The following ATG5 variants were observed in gnomAD, a reference collection of about 807,000 sequenced individuals.
ATG5 encodes autophagy protein 5.
A neutral mutation model predicts 36.5 loss-of-function variants in ATG5; 14 were observed. That is an observed-to-expected ratio of 0.38 (90% confidence interval 0.25 to 0.60). The LOEUF is 0.60. Among genes scored for constraint, ATG5 ranks in the 20% least tolerant of loss-of-function variants. ATG5 has a pLI of 0.60. For missense variants in ATG5, 195 were observed against 326.7 expected, an observed-to-expected ratio of 0.60 and a Z score of 3.11; for synonymous variants, 95 against 101.5, an observed-to-expected ratio of 0.94 and a Z score of 0.38.
At chr6:106,214,359 T>C (rs1236522972) in intron 6 of ATG5, among the ~76,000 whole-genome samples, 3 of 152,118 alleles carry the variant, frequency 2.0e-5, no homozygotes, top group Non-Finnish European at 2.9e-5. Flanking sequence ...TCAGACTACT[T>C]TTATCCTTTA....
intron 1 of ATG5, among the ~76,000 whole-genome samples, chr6:106,322,504 A>G (rs1041059652): frequency 5.9e-5 from 9 of 152,024 alleles, no homozygotes; most frequent in Admixed American, 3.9e-4. Flanking sequence ...CTACATCACT[A>G]TTCTATACCT....
intron 5 of ATG5, among the ~76,000 whole-genome samples, chr6:106,269,206 C>T (rs1170568327): frequency 6.6e-6 from 1 of 152,154 alleles, no homozygotes; most frequent in Non-Finnish European, 1.5e-5. Context: ...TCGATTGGTG[C>T]ATTCACAAAC....
intron 5 of ATG5, among the ~76,000 whole-genome samples, chr6:106,258,686 T>C (rs1358031992): frequency 6.6e-6 from 1 of 152,168 alleles, no homozygotes; most frequent in Non-Finnish European, 1.5e-5. Flanking sequence ...AGATTTTTAG[T>C]TACATTTCTA....
At chr6:106,269,645 C>T (rs1009523976) in intron 5 of ATG5, among the ~76,000 whole-genome samples, 97 of 152,356 alleles carry the variant, frequency 6.4e-4, no homozygotes, top group Admixed American at 1.7e-3. Context: ...GCCGCTGGCC[C>T]GGGTGCTAAG....
At chr6:106,290,189 G>A (rs907933619) in intron 4 of ATG5, among the ~76,000 whole-genome samples, 1 of 144,326 alleles carries the variant, frequency 6.9e-6, no homozygotes, top group Non-Finnish European at 1.6e-5. Flanking sequence ...ACCATACTTG[G>A]CTTATTTTAT....
At chr6:106,273,849 T>G (rs1005679051) in intron 5 of ATG5, among the ~76,000 whole-genome samples, 7 of 152,234 alleles carry the variant, frequency 4.6e-5, no homozygotes, top group African/African-American at 1.7e-4. Context: ...AACTTTTATG[T>G]TACCTACCAA....
intron 7 of ATG5, among the ~76,000 whole-genome samples, chr6:106,191,267 T>C (rs1775957549): frequency 6.6e-6 from 1 of 152,134 alleles, no homozygotes; most frequent in Non-Finnish European, 1.5e-5. Context: ...AAACAAAATT[T>C]TATGTAGAAA....
In ATG5 at chr6:106,195,500, AT is replaced by A. The variant is rs146141455; in HGVS notation, c.691+6471del. On this transcript the variant is annotated intron_variant, in intron 7 of 7. Coordinates refer to ENST00000369076, the MANE Select transcript of ATG5 (RefSeq NM_004849.4). ...ACTCTACATAGATTTTTAAATGACA[AT>A]TTTTTTTAATACGTAATAAAAAGAA... 8.3e-3 allele frequency among the ~76,000 whole-genome samples: 1,267 copies of A among 152,092 alleles called. 17 individuals are homozygous for A. The highest frequency in any genetic ancestry group is 0.026 in the African/African-American group (1,081 of 41,474).
chr6:106,280,946 T>C (rs184599776), intron 4 of ATG5, among the ~76,000 whole-genome samples: 1 of 152,250 alleles, frequency 6.6e-6, no homozygotes, highest in Admixed American at 6.5e-5. Context: ...TTTACAAAGT[T>C]ATTATCCTAT....
At chr6:106,312,655 CACACAT>C (rs1164475505) in intron 2 of ATG5, among the ~76,000 whole-genome samples, 1 of 149,534 alleles carries the variant, frequency 6.7e-6, no homozygotes, top group East Asian at 1.9e-4. Flanking sequence ...CACACACACA[CACACAT>C]AAAAACCAGA....
chr6:106,301,484 T>C (rs1332688605), intron 3 of ATG5, among the ~76,000 whole-genome samples: 1 of 152,020 alleles, frequency 6.6e-6, no homozygotes, highest in Non-Finnish European at 1.5e-5. Context: ...TCCTAACTTA[T>C]TTGAACAAGT....
intron 5 of ATG5, among the ~76,000 whole-genome samples, chr6:106,277,715 G>A (rs1779715082): frequency 6.6e-6 from 1 of 152,216 alleles, no homozygotes; most frequent in Admixed American, 6.5e-5. Flanking sequence ...TCAGAAGGCT[G>A]AGACATGATA....
intron 3 of ATG5, among the ~76,000 whole-genome samples, chr6:106,297,181 A>G (rs1769989162): frequency 6.6e-6 from 1 of 152,206 alleles, no homozygotes; most frequent in Non-Finnish European, 1.5e-5. Flanking sequence ...AAACTTCATT[A>G]CATGATATTT....
chr6:106,224,846 A>G (rs193257132), intron 6 of ATG5, among the ~76,000 whole-genome samples: 2 of 152,274 alleles, frequency 1.3e-5, no homozygotes, highest in African/African-American at 4.8e-5. Context: ...GCACCATTGC[A>G]CTCCAGGCTG....
chr6:106,294,575 T>TG (rs915325743), intron 3 of ATG5, among the ~76,000 whole-genome samples: 5 of 151,648 alleles, frequency 3.3e-5, no homozygotes, highest in African/African-American at 1.2e-4. Context: ...CCCAACACTT[T>TG]GGGGGGCCAA....
At chr6:106,315,182 A>G (rs1377251014) in intron 2 of ATG5, among the ~76,000 whole-genome samples, 1 of 152,250 alleles carries the variant, frequency 6.6e-6, no homozygotes, top group Non-Finnish European at 1.5e-5. Flanking sequence ...GCTGAGGAGC[A>G]GCACTGCCTC....
intron 5 of ATG5, among the ~76,000 whole-genome samples, chr6:106,264,756 G>A (rs1004634853): frequency 1.1e-4 from 17 of 152,088 alleles, no homozygotes; most frequent in African/African-American, 3.4e-4. Flanking sequence ...CTTCATAAGC[G>A]AAGGAGAAAT....
At chr6:106,231,618 G>A (rs1006827330) in intron 6 of ATG5, among the ~76,000 whole-genome samples, 1 of 152,150 alleles carries the variant, frequency 6.6e-6, no homozygotes, top group East Asian at 1.9e-4. Flanking sequence ...AGTGACTAAC[G>A]GAGGCATTGA....
At chr6:106,200,211 G>C (rs1394526242) in intron 7 of ATG5, among the ~76,000 whole-genome samples, 3 of 152,098 alleles carry the variant, frequency 2.0e-5, no homozygotes, top group African/African-American at 7.2e-5. Context: ...ATTTAGGCTG[G>C]AATACCACAA....
Sources: gnomAD v4.1 joint callset for allele counts (sites outside exome capture counted in the v4.1 genomes callset) on GRCh38, gnomAD v4.1.1 for gene constraint, MANE v1.5 for transcripts, NCBI Gene and HGNC (gene_info 2026-07-23, HGNC 2026-07-21) for gene names.